TP53INP1: variants seen among roughly 807,000 people sequenced by gnomAD.
The protein encoded by TP53INP1 is tumor protein p53-inducible nuclear protein 1.
Under a neutral mutation model 21.0 loss-of-function variants are expected in TP53INP1, and 12 were observed. The observed-to-expected ratio is 0.57, with a 90% confidence interval of 0.37 to 0.93. TP53INP1 has a LOEUF of 0.93. TP53INP1 is among the 40% of genes least tolerant of loss of function. The pLI is 0.01. For synonymous variants in TP53INP1, 91 were observed against 94.8 expected, an observed-to-expected ratio of 0.96 and a Z score of 0.23; for missense variants, 274 against 294.7, an observed-to-expected ratio of 0.93 and a Z score of 0.51.
chr8:94,943,372 C>G (rs889948292), intron 1 of TP53INP1, among the ~76,000 whole-genome samples: 4 of 152,124 alleles, frequency 2.6e-5, no homozygotes, highest in African/African-American at 9.7e-5. Flanking sequence ...ACCTGTAGTC[C>G]TAGCTACTTG....
At chr8:94,935,174 T>TAGATAG (rs766797744) in intron 3 of TP53INP1, among the ~76,000 whole-genome samples, 1 of 151,732 alleles carries the variant, frequency 6.6e-6, no homozygotes, top group Non-Finnish European at 1.5e-5. Flanking sequence ...GATAGATAGA[T>TAGATAG]ATAATACAAT....
intron 3 of TP53INP1, among the ~76,000 whole-genome samples, chr8:94,933,403 GAAGA>G (rs1820625257): frequency 6.6e-6 from 1 of 152,112 alleles, no homozygotes; most frequent in Non-Finnish European, 1.5e-5. Context: ...GAAGAAGAAG[GAAGA>G]AAGAAGAAGA....
At position 94,940,174 on chromosome 8, in the gene TP53INP1, GTCC is replaced by G; in HGVS notation, c.156_158del (p.Glu52del). The G allele has an allele frequency of 1.9e-6, 3 of 1,613,850 alleles. No homozygotes were observed. Among genetic ancestry groups the G allele is most frequent in the East Asian group, 4.5e-5 (2 of 44,888 alleles). Reference sequence around the variant, plus strand: ...GCTCAGTAGGTGACTCTTCACTGATGTCCTCCTCTTCTTCTTCTTCTTCTGCTG... The same window carrying G: ...GCTCAGTAGGTGACTCTTCACTGATGTCCTCTTCTTCTTCTTCTTCTGCTG... On this transcript the variant is annotated inframe_deletion, in exon 3 of 4. Coordinates refer to ENST00000342697, the MANE Select transcript of TP53INP1 (RefSeq NM_033285.4).
chr8:94,940,196 TCTG>T lies in TP53INP1; in HGVS notation c.134_136del (p.Ala45del). 3 of 1,611,436 alleles carry T rather than the reference TCTG, an allele frequency of 1.9e-6. No homozygotes were observed. The highest frequency in any genetic ancestry group is 2.5e-6 in the Non-Finnish European group (3 of 1,178,416). On this transcript the variant is annotated inframe_deletion, in exon 3 of 4. Transcript: ENST00000342697. The stretch of plus-strand genomic sequence containing the variant: ...GATGTCCTCCTCTTCTTCTTCTTCT[TCTG>T]CTGAGAAACCAGTGCAAGTATCTAG...
intron 3 of TP53INP1, among the ~76,000 whole-genome samples, chr8:94,935,966 C>T (rs936089750): frequency 3.9e-5 from 6 of 152,186 alleles, no homozygotes; most frequent in African/African-American, 1.4e-4. Flanking sequence ...CAGCACTGCC[C>T]AGGCCCAATG....
chr8:94,939,769 G>C, intron 3 of TP53INP1, 91 bp downstream of exon 3: 1 of 1,522,920 alleles, frequency 6.6e-7, no homozygotes, highest in Middle Eastern at 1.8e-4. Context: ...AATTAGTTTT[G>C]CATCTTCTAA....
rs750089584 is a variant in TP53INP1, at chr8:94,930,604, C to A, written c.598G>T (p.Glu200Ter). Reference protein sequence around the residue: ...RPSQWIKEHSERQPLNRNSLR... With the variant: ...RPSQWIKEHS ...CTATTTCTGTTAAGAGGCTGTCTTT[C>A]ACTGTGTTCTTTTATCCACTGGGAA... Residue 200 changes from glutamate (E) to a stop codon, truncating the protein, a stop_gained, in exon 4 of 4, where the codon GAA (glutamate) becomes TAA (stop). Transcript: ENST00000342697. LOFTEE classifies it high-confidence loss of function. The A allele has an allele frequency of 4.3e-6, 7 of 1,614,112 alleles. No homozygotes were observed. Among genetic ancestry groups the A allele is most frequent in the Non-Finnish European group, 5.1e-6 (6 of 1,180,052 alleles).
At chr8:94,935,777 A>G (rs1820921680) in intron 3 of TP53INP1, among the ~76,000 whole-genome samples, 5 of 152,190 alleles carry the variant, frequency 3.3e-5, no homozygotes, top group Non-Finnish European at 7.3e-5. Flanking sequence ...AGAATTATGA[A>G]AGTTAGGATG....
chr8:94,930,740 A>G lies in TP53INP1; in HGVS notation c.474-12T>C, dbSNP rs1350756149. 1 of 1,612,896 alleles carries G rather than the reference A, an allele frequency of 6.2e-7. No individual in the cohort carries two copies. Among genetic ancestry groups the G allele is most frequent in the Admixed American group, 1.7e-5 (1 of 59,844 alleles). ...TTTGAGCTTCCACTCTGAAACAGAAAAAAGTGGGGATGTATTAAATAACAG... is the reference window on the plus strand; with the variant it reads ...TTTGAGCTTCCACTCTGAAACAGAAGAAAGTGGGGATGTATTAAATAACAG... On this transcript the variant is annotated splice_polypyrimidine_tract_variant and intron_variant, in intron 3 of 3. Coordinates refer to ENST00000342697, the MANE Select transcript of TP53INP1 (RefSeq NM_033285.4).
intron 1 of TP53INP1, among the ~76,000 whole-genome samples, chr8:94,944,602 G>C (rs1452668915): frequency 2.6e-5 from 4 of 152,200 alleles, no homozygotes; most frequent in African/African-American, 9.7e-5. Context: ...GTGCTCAGAA[G>C]CCCAGCCAAG....
intron 1 of TP53INP1, among the ~76,000 whole-genome samples, chr8:94,943,749 C>T (rs1404024507): frequency 6.6e-6 from 1 of 152,184 alleles, no homozygotes; most frequent in African/African-American, 2.4e-5. Flanking sequence ...AAATAAATAA[C>T]ATTAGAACAC....
At position 94,930,716 on chromosome 8, in the gene TP53INP1, T is replaced by C. The variant is rs1299959638; in HGVS notation, c.486A>G (p.Gln162=). The change falls in exon 4 of 4, where the codon CAA becomes CAG. Residue 162 remains glutamine (Q), a synonymous_variant. Coordinates refer to ENST00000342697, the MANE Select transcript of TP53INP1 (RefSeq NM_033285.4). ...HSPSSPRVEA[Q]NEMGQHIHCY... ...AATGAATATGCTGCCCCATTTCATT[T>C]TGAGCTTCCACTCTGAAACAGAAAA... is the stretch of plus-strand genomic sequence containing the variant. 6.2e-7 allele frequency: 1 copy of C among 1,614,126 alleles called. No individual in the cohort carries two copies. Among genetic ancestry groups the C allele is most frequent in the Admixed American group, 1.7e-5 (1 of 60,010 alleles).
rs1820013041 is a variant in TP53INP1 at position 94,927,651 on chromosome 8, AG to A, written c.*2827del. On this transcript the variant is annotated 3_prime_UTR_variant, in exon 4 of 4. Coordinates refer to ENST00000342697, the MANE Select transcript of TP53INP1 (RefSeq NM_033285.4). ...TTACAGTGCAGTACACAATTAGTTG[AG>A]AAAAAAAATAAACATAAGATATATA... is the stretch of plus-strand genomic sequence containing the variant. 6.6e-6 allele frequency: 1 copy of A among 152,130 alleles called. No individual in the cohort carries two copies. 9.4% of individuals were successfully genotyped at this position (152,130 alleles called of 1,614,324 possible). A position where few individuals can be genotyped will look rare whatever the true frequency, so the allele number is the denominator to read the frequency against.
At chr8:94,948,765 TGGAGG>T (rs1380017305) in intron 1 of TP53INP1, among the ~76,000 whole-genome samples, 4 of 145,990 alleles carry the variant, frequency 2.7e-5, no homozygotes, top group Non-Finnish European at 6.0e-5. Context: ...GGAGGAGGAG[TGGAGG>T]GGAGTGAGGA....
intron 3 of TP53INP1, chr8:94,931,949 G>A (rs1003687583): frequency 2.1e-6 from 2 of 937,066 alleles, no homozygotes; most frequent in African/African-American, 3.3e-5. Flanking sequence ...TCCAGCCTGA[G>A]TGACAGAGTG....
At chr8:94,936,344 G>A (rs1431643441) in intron 3 of TP53INP1, among the ~76,000 whole-genome samples, 2 of 152,124 alleles carry the variant, frequency 1.3e-5, no homozygotes, top group Non-Finnish European at 2.9e-5. Context: ...CCACAAGCAG[G>A]GAGCCTCTCC....
chr8:94,940,051 C>A lies in TP53INP1; in HGVS notation c.282G>T (p.Glu94Asp), dbSNP rs1231549035. Reference protein sequence around the residue: ...FLQFESCPMEESWFITPPPCF... With the variant: ...FLQFESCPMEDSWFITPPPCF... ...ATGGGGGTGGGGTGATAAACCAGCT[C>A]TCCTCCATTGGACATGACTCAAACT... Residue 94 changes from glutamate (E) to aspartate (D), a missense_variant, in exon 3 of 4, where the codon GAG becomes GAT. Glu to Asp is a conservative substitution (Grantham distance 45, BLOSUM62 2). Transcript: ENST00000342697. The A allele has an allele frequency of 6.2e-7, 1 of 1,614,106 alleles. No individual in the cohort carries two copies. Among genetic ancestry groups the A allele is most frequent in the Non-Finnish European group, 8.5e-7 (1 of 1,180,050 alleles).
chr8:94,940,682 T>C lies in TP53INP1; in HGVS notation c.112+148A>G, dbSNP rs1265885184. On this transcript the variant is annotated intron_variant, in intron 2 of 3. Coordinates refer to ENST00000342697, the MANE Select transcript of TP53INP1 (RefSeq NM_033285.4). ...TTTCACTGACATTATCTAGCACAGA[T>C]GGTTTCCTGCAATTTTTTAAAGACA... 3.1e-5 allele frequency: 19 copies of C among 621,490 alleles called. No homozygotes were observed. In the East Asian group the frequency reaches 5.1e-4, roughly 17 times the overall value. 38.5% of individuals were successfully genotyped at this position (621,490 alleles called of 1,614,324 possible).
chr8:94,936,330 A>T (rs1318825408), intron 3 of TP53INP1, among the ~76,000 whole-genome samples: 1 of 152,188 alleles, frequency 6.6e-6, no homozygotes, highest in African/African-American at 2.4e-5. Context: ...TAAGAAGGAC[A>T]CACCCACAAG....
Sources: allele counts gnomAD v4.1 joint callset (sites outside exome capture counted in the v4.1 genomes callset), GRCh38; gene constraint gnomAD v4.1.1; transcripts MANE v1.5; gene names NCBI Gene and HGNC (gene_info 2026-07-23, HGNC 2026-07-21).